Variants in SH3KBP1 observed in about 807,000 individuals in gnomAD.
The protein encoded by SH3KBP1 is SH3 domain containing kinase binding protein 1, also known as SH3 domain-containing kinase-binding protein 1.
Under a neutral mutation model 50.1 loss-of-function variants are expected in SH3KBP1, and 8 were observed. The observed-to-expected ratio is 0.16, with a 90% CI of 0.09 to 0.29. The LOEUF (loss-of-function observed/expected upper bound fraction) is 0.29. Among genes scored for constraint, SH3KBP1 ranks in the 10% least tolerant of loss-of-function variants. The pLI is 1.00. For synonymous variants in SH3KBP1, 227 were observed against 218.6 expected (o/e 1.04, Z -0.34); for missense variants, 377 against 535.2 (o/e 0.70, Z 2.92).
intron 3 of SH3KBP1, among the ~76,000 whole-genome samples, chrX:19,728,257 A>G (rs1455377240): frequency 1.8e-5 from 2 of 111,592 alleles, no homozygotes; most frequent in Non-Finnish European, 3.8e-5. Flanking sequence ...AAATGCTCCA[A>G]TGAGCATTTT....
rs1218164002 is a variant in SH3KBP1 at position 19,638,139 on chromosome X, G to A, written c.803-6181C>T. On this transcript the variant is annotated intron_variant, in intron 7 of 17. Coordinates refer to ENST00000397821, the MANE Select transcript of SH3KBP1 (RefSeq NM_031892.3). ...CAAAAAAAAACAAAAGGCCGGGTGCGGTGGCTCACACCTGTAATCCCAGCA... is the reference window on the plus strand; with the variant it reads ...CAAAAAAAAACAAAAGGCCGGGTGCAGTGGCTCACACCTGTAATCCCAGCA... Among the ~76,000 whole-genome samples, 3 of 108,253 alleles carry A rather than the reference G, an allele frequency of 2.8e-5. No individual in the cohort carries two copies. The East Asian group carries it at 8.8e-4, about 32-fold the overall frequency. 94.0% of individuals were successfully genotyped at this position (108,253 alleles called of 115,157 possible).
At chrX:19,710,293 CCT>C (rs1201591386) in intron 3 of SH3KBP1, among the ~76,000 whole-genome samples, 1 of 112,280 alleles carries the variant, frequency 8.9e-6, no homozygotes, top group Non-Finnish European at 1.9e-5. Context: ...GTTCCCTGCC[CCT>C]GAGTCACTGA....
At chrX:19,762,009 A>C (rs949245457) in intron 2 of SH3KBP1, among the ~76,000 whole-genome samples, 1 of 112,484 alleles carries the variant, frequency 8.9e-6, no homozygotes, top group Non-Finnish European at 1.9e-5. Context: ...CAAAAGGGAC[A>C]GTCTGGTTGT....
chrX:19,660,981 T>C (rs1326999707), intron 6 of SH3KBP1, among the ~76,000 whole-genome samples: 1 of 112,560 alleles, frequency 8.9e-6, no homozygotes, highest in African/African-American at 3.2e-5. Context: ...ATCTTAGACA[T>C]GAAAAGTTGA....
intron 8 of SH3KBP1, among the ~76,000 whole-genome samples, chrX:19,610,486 A>G (rs1169751937): frequency 8.9e-6 from 1 of 112,412 alleles, no homozygotes; most frequent in African/African-American, 3.2e-5. Flanking sequence ...GAAACTGACT[A>G]TGATGAATGC....
At chrX:19,673,067 A>C (rs2062841669) in intron 6 of SH3KBP1, among the ~76,000 whole-genome samples, 1 of 64,361 alleles carries the variant, frequency 1.6e-5, no homozygotes, top group Non-Finnish European at 2.6e-5. Context: ...TTCTGTCTCA[A>C]AAAAAAAAAA....
intron 1 of SH3KBP1, among the ~76,000 whole-genome samples, chrX:19,844,635 G>A (rs982260801): frequency 9.0e-6 from 1 of 111,530 alleles, no homozygotes; most frequent in Non-Finnish European, 1.9e-5. Flanking sequence ...CACAAGACCT[G>A]TGGGCCTTGA....
chrX:19,634,825 C>A lies in SH3KBP1; in HGVS notation c.803-2867G>T, dbSNP rs184967695. On this transcript the variant is annotated intron_variant, in intron 7 of 17. Coordinates refer to ENST00000397821, the MANE Select transcript of SH3KBP1 (RefSeq NM_031892.3). ...GAGAGGAGAGTCTGGTTAACTTCAG[C>A]AGGACACTTAGCAAATTTCAAGGTA... Among the ~76,000 whole-genome samples the A allele has an allele frequency of 2.7e-5, 3 of 111,869 alleles. No individual in the cohort carries two copies. The East Asian group carries it at 8.4e-4, about 31-fold the overall frequency.
intron 2 of SH3KBP1, among the ~76,000 whole-genome samples, chrX:19,794,575 C>T (rs1389835281): frequency 2.7e-5 from 3 of 110,027 alleles, no homozygotes; most frequent in Non-Finnish European, 3.8e-5. Flanking sequence ...TGGTGGCAGG[C>T]GCCTGGAGTC....
chrX:19,580,636 G>A (rs2066341728), intron 12 of SH3KBP1, among the ~76,000 whole-genome samples: 1 of 111,552 alleles, frequency 9.0e-6, no homozygotes, highest in Non-Finnish European at 1.9e-5. Context: ...TAGAAACCTG[G>A]GGTGCCAGCA....
At chrX:19,707,217 C>T (rs999352526) in intron 3 of SH3KBP1, 21 of 473,618 alleles carry the variant, frequency 4.4e-5, no homozygotes, top group Admixed American at 2.7e-5. Flanking sequence ...TATGAGAAAC[C>T]GATCCATTGG....
At chrX:19,763,954 T>A (rs763784246) in intron 2 of SH3KBP1, among the ~76,000 whole-genome samples, 4 of 101,444 alleles carry the variant, frequency 3.9e-5, no homozygotes, top group African/African-American at 1.5e-4. Flanking sequence ...AGGTGGAGGT[T>A]GCAGTGAACT....
intron 13 of SH3KBP1, among the ~76,000 whole-genome samples, chrX:19,563,912 C>T (rs1210109964): frequency 9.0e-6 from 1 of 111,256 alleles, no homozygotes; most frequent in Non-Finnish European, 1.9e-5. Flanking sequence ...AGCTGGAAGG[C>T]GCGGCTGTTG....
At chrX:19,857,840 C>T (rs1332941224) in intron 1 of SH3KBP1, among the ~76,000 whole-genome samples, 1 of 111,962 alleles carries the variant, frequency 8.9e-6, no homozygotes, top group African/African-American at 3.2e-5. Context: ...TAATTCCAAA[C>T]TTCCTTGAAT....
At chrX:19,582,162 T>C (rs1264997953) in intron 12 of SH3KBP1, among the ~76,000 whole-genome samples, 1 of 112,379 alleles carries the variant, frequency 8.9e-6, no homozygotes, top group Non-Finnish European at 1.9e-5. Flanking sequence ...CCCCCATATC[T>C]GGACCCTTCT....
At chrX:19,857,688 T>C (rs1317334896) in intron 1 of SH3KBP1, among the ~76,000 whole-genome samples, 1 of 110,109 alleles carries the variant, frequency 9.1e-6, no homozygotes, top group Non-Finnish European at 1.9e-5. Flanking sequence ...TGTCACTGCA[T>C]TCCAGCCTGG....
At chrX:19,616,087 G>A (rs1008421355) in intron 8 of SH3KBP1, among the ~76,000 whole-genome samples, 7 of 110,511 alleles carry the variant, frequency 6.3e-5, no homozygotes, top group African/African-American at 2.0e-4. Flanking sequence ...TCAGTCTCTC[G>A]AGCAGCCAAG....
chrX:19,775,575 G>A (rs980271915), intron 2 of SH3KBP1, among the ~76,000 whole-genome samples: 1 of 111,826 alleles, frequency 8.9e-6, no homozygotes, highest in African/African-American at 3.3e-5. Flanking sequence ...CTAAATGGAA[G>A]AATTAGTTGT....
intron 1 of SH3KBP1, among the ~76,000 whole-genome samples, chrX:19,878,903 A>G (rs2069348369): frequency 8.9e-6 from 1 of 112,499 alleles, no homozygotes; most frequent in Non-Finnish European, 1.9e-5. Context: ...GCACACCTTA[A>G]ATGGATAAAT....
Sources: gnomAD v4.1 joint callset for allele counts (sites outside exome capture counted in the v4.1 genomes callset) on GRCh38, gnomAD v4.1.1 for gene constraint, MANE v1.5 for transcripts, NCBI Gene and HGNC (gene_info 2026-07-23, HGNC 2026-07-21) for gene names.